CDC14B: variants seen among roughly 807,000 people sequenced by gnomAD.
The protein encoded by CDC14B is cell division cycle 14B.
In CDC14B, 22 loss-of-function variants were observed where a neutral mutation model predicts 64.2. That is an observed-to-expected ratio of 0.34 (90% CI 0.24 to 0.49). CDC14B has a LOEUF of 0.49. Ranked by LOEUF, CDC14B falls within the 20% of genes least tolerant of loss-of-function variation. The probability of loss-of-function intolerance (pLI) is 0.99; values close to 1 mark genes in which losing one functional copy is unlikely to be tolerated. For synonymous variants in CDC14B, 191 were observed against 215.8 expected (o/e 0.89, Z 1.01); for missense variants, 498 against 629.9 (o/e 0.79, Z 2.24).
intron 1 of CDC14B, 166 bp from the exon 2 acceptor site, chr9:96,565,649 G>T: frequency 1.5e-6 from 1 of 651,552 alleles, no homozygotes; most frequent in Non-Finnish European, 2.8e-6. Context: ...CTATTTGGGT[G>T]GGAATAATCA....
intron 1 of CDC14B, among the ~76,000 whole-genome samples, chr9:96,584,492 C>G (rs1449121119): frequency 1.3e-5 from 2 of 150,762 alleles, no homozygotes; most frequent in Admixed American, 6.6e-5. Flanking sequence ...AGGAAGAAAG[C>G]ATTCACTTTC....
intron 12 of CDC14B, among the ~76,000 whole-genome samples, chr9:96,513,931 G>A (rs1214879340): frequency 1.3e-5 from 2 of 152,208 alleles, no homozygotes; most frequent in African/African-American, 4.8e-5. Flanking sequence ...AGAGGTGGGT[G>A]GTGATGACAG....
intron 1 of CDC14B, among the ~76,000 whole-genome samples, chr9:96,604,435 C>CAAT (rs1846732727): frequency 6.7e-6 from 1 of 149,552 alleles, no homozygotes; most frequent in Non-Finnish European, 1.5e-5. Context: ...GGCTGGAGTG[C>CAAT]AATGGTGCCA....
intron 4 of CDC14B, among the ~76,000 whole-genome samples, chr9:96,559,094 G>A (rs778585479): frequency 6.6e-6 from 1 of 152,188 alleles, no homozygotes; most frequent in African/African-American, 2.4e-5. Flanking sequence ...TTGTGGGCAT[G>A]TCAATTCATA....
At chr9:96,495,129 T>A (rs1030765436), downstream of CDC14B, among the ~76,000 whole-genome samples, 2 of 152,060 alleles carry the variant, frequency 1.3e-5, no homozygotes, top group Non-Finnish European at 2.9e-5. Flanking sequence ...CCACCGCGCC[T>A]GGCCTGAACA....
rs181729405 is a variant in CDC14B at position 96,609,208 on chromosome 9, C to A, written c.160+10011G>T. On this transcript the variant is annotated intron_variant, in intron 1 of 13. Coordinates refer to ENST00000375241, the MANE Select transcript of CDC14B (RefSeq NM_033331.4). The stretch of plus-strand genomic sequence containing the variant: ...TGAATTCCTGTCCTCCAGTAATCCA[C>A]CTGCCATGGCATCCCCAAAGTGCTG... 6.1e-3 allele frequency among the ~76,000 whole-genome samples: 935 copies of A among 152,266 alleles called. 12 individuals carry two copies. Among genetic ancestry groups the A allele is most frequent in the African/African-American group, 0.021 (881 of 41,564 alleles).
intron 1 of CDC14B, among the ~76,000 whole-genome samples, chr9:96,579,578 C>G (rs538001837): frequency 1.3e-5 from 2 of 148,954 alleles, no homozygotes; most frequent in East Asian, 3.9e-4. Flanking sequence ...GAGCAAGACT[C>G]TGTCTCAAAA....
intron 7 of CDC14B, among the ~76,000 whole-genome samples, chr9:96,538,259 G>A (rs1168072603): frequency 1.3e-5 from 2 of 152,102 alleles, no homozygotes; most frequent in African/African-American, 4.8e-5. Context: ...AACACACGGG[G>A]CACACTCATT....
chr9:96,556,904 A>G (rs1842572294), intron 4 of CDC14B, among the ~76,000 whole-genome samples: 1 of 152,176 alleles, frequency 6.6e-6, no homozygotes, highest in Non-Finnish European at 1.5e-5. Flanking sequence ...CCAAGATCAC[A>G]CCGCCTATTA....
chr9:96,499,260 C>T (rs935295194), downstream of CDC14B, among the ~76,000 whole-genome samples: 6 of 152,288 alleles, frequency 3.9e-5, no homozygotes, highest in African/African-American at 4.8e-5. Context: ...CACTTGTAAC[C>T]CAGTGTGAAT....
chr9:96,605,884 A>G (rs1216432710), intron 1 of CDC14B, among the ~76,000 whole-genome samples: 1 of 152,048 alleles, frequency 6.6e-6, no homozygotes. Flanking sequence ...GTTTTTTTCA[A>G]AGACAAATAG....
chr9:96,592,010 G>T (rs1270842025), intron 1 of CDC14B, among the ~76,000 whole-genome samples: 1 of 152,178 alleles, frequency 6.6e-6, no homozygotes, highest in Non-Finnish European at 1.5e-5. Flanking sequence ...CTCCCAAAGT[G>T]CTGGGATTAC....
chr9:96,580,602 A>T (rs1008255692), intron 1 of CDC14B, among the ~76,000 whole-genome samples: 1 of 152,204 alleles, frequency 6.6e-6, no homozygotes, highest in Admixed American at 6.5e-5. Context: ...ATCTGGCAGT[A>T]TCTGTTATGC....
chr9:96,594,929 G>A (rs1287907574), intron 1 of CDC14B, among the ~76,000 whole-genome samples: 1 of 152,056 alleles, frequency 6.6e-6, no homozygotes, highest in Non-Finnish European at 1.5e-5. Context: ...GAGGCAGACG[G>A]ATCACGAGGT....
chr9:96,578,388 C>T (rs557898880), intron 1 of CDC14B, among the ~76,000 whole-genome samples: 1 of 152,290 alleles, frequency 6.6e-6, no homozygotes, highest in East Asian at 1.9e-4. Context: ...TCGAAGAATA[C>T]AGTGTGGAAA....
chr9:96,543,123 T>G (rs1840311153), intron 5 of CDC14B, among the ~76,000 whole-genome samples: 1 of 152,124 alleles, frequency 6.6e-6, no homozygotes, highest in Non-Finnish European at 1.5e-5. Flanking sequence ...GATCACAAGG[T>G]GAGGAGATCG....
rs549309338 is a variant in CDC14B at position 96,534,286 on chromosome 9, A to G, written c.716-129T>C. The G allele has an allele frequency of 3.2e-5, 25 of 789,160 alleles. No individual in the cohort carries two copies. The South Asian group carries it at 4.7e-4, about 15-fold the overall frequency. 48.9% of individuals were successfully genotyped at this position (789,160 alleles called of 1,614,324 possible). The stretch of plus-strand genomic sequence containing the variant: ...ATACCAATTTGATTATAACTGTAAA[A>G]AACAAAAGAAAAGAAAGTTAAAATC... On this transcript the variant is annotated intron_variant, in intron 8 of 13. Coordinates refer to ENST00000375241, the MANE Select transcript of CDC14B (RefSeq NM_033331.4).
rs1554730806 is a variant in CDC14B, at chr9:96,503,793, C to T, written c.1461-4G>A. 1 of 1,611,650 alleles carries T rather than the reference C, an allele frequency of 6.2e-7. No individual in the cohort carries two copies. The highest frequency in any genetic ancestry group is 8.5e-7 in the Non-Finnish European group (1 of 1,179,122). On this transcript the variant is annotated splice_region_variant and splice_polypyrimidine_tract_variant and intron_variant, in intron 13 of 13. Coordinates refer to ENST00000375241, the MANE Select transcript of CDC14B (RefSeq NM_033331.4). ...TTTAGTCCTTGAAATGGAGAGACTA[C>T]AGGGGGAAAAAAAAGGATTTTTACC...
At chr9:96,534,334 T>C in intron 8 of CDC14B, 121 bp downstream of exon 8, 2 of 796,740 alleles carry the variant, frequency 2.5e-6, no homozygotes, top group Non-Finnish European at 4.1e-6. Flanking sequence ...TCTACTGAAG[T>C]GACCAAGTAT....
Sources: gnomAD v4.1 joint callset for allele counts (sites outside exome capture counted in the v4.1 genomes callset) on GRCh38, gnomAD v4.1.1 for gene constraint, MANE v1.5 for transcripts, NCBI Gene and HGNC (gene_info 2026-07-23, HGNC 2026-07-21) for gene names.